The following JAKMIP2 variants were observed in gnomAD, a reference collection of about 807,000 sequenced individuals.
JAKMIP2 encodes the protein janus kinase and microtubule-interacting protein 2.
Under a neutral mutation model 115.0 loss-of-function variants are expected in JAKMIP2, and 25 were observed. The ratio of observed to expected loss-of-function variants is 0.22; its 90% CI spans 0.16 to 0.30. The LOEUF (loss-of-function observed/expected upper bound fraction) is 0.30. JAKMIP2 is among the 10% of genes least tolerant of loss of function. The probability of loss-of-function intolerance (pLI) is 1.00; values close to 1 mark genes in which losing one functional copy is unlikely to be tolerated. For missense variants in JAKMIP2, 642 were observed against 957.6 expected, an observed-to-expected ratio of 0.67 and a Z score of 4.35; for synonymous variants, 334 against 343.6, an observed-to-expected ratio of 0.97 and a Z score of 0.31.
At position 147,661,032 on chromosome 5, in the gene JAKMIP2, A is replaced by T. The variant is rs1450541237; in HGVS notation, c.543T>A (p.Ala181=). The change falls in exon 3 of 22, where the codon GCT becomes GCA. Residue 181 remains alanine (A), a synonymous_variant. Coordinates refer to ENST00000616793, the MANE Select transcript of JAKMIP2 (RefSeq NM_001270941.2). ...SNMIQADKIK[A]GDLRSEHQSH... The stretch of plus-strand genomic sequence containing the variant: ...ACTGATGCTCACTCCGAAGGTCCCC[A>T]GCCTTGATTTTATCTGCTTGGATCA... 1 of 1,613,976 alleles carries T rather than the reference A, an allele frequency of 6.2e-7. No individual in the cohort carries two copies. Among genetic ancestry groups the T allele is most frequent in the South Asian group, 1.1e-5 (1 of 91,048 alleles).
chr5:147,745,056 C>CAAAAAAAAAAAAAAAAAAAAAAAAAA (rs60275664), intron 1 of JAKMIP2, among the ~76,000 whole-genome samples: 1 of 88,410 alleles, frequency 1.1e-5, no homozygotes. Flanking sequence ...GACTCTGTCT[C>CAAAAAAAAAAAAAAAAAAAAAAAAAA]AAAAAAAAAA....
chr5:147,781,321 A>G (rs1755749559), intron 1 of JAKMIP2, among the ~76,000 whole-genome samples: 1 of 152,226 alleles, frequency 6.6e-6, no homozygotes, highest in Admixed American at 6.5e-5. Context: ...ATACTGAAGG[A>G]ATGAACATCA....
chr5:147,776,669 T>C (rs1014844264), intron 1 of JAKMIP2, among the ~76,000 whole-genome samples: 3 of 152,240 alleles, frequency 2.0e-5, no homozygotes, highest in Admixed American at 6.5e-5. Context: ...GGCTCATGCC[T>C]GTAATCCCAG....
In JAKMIP2 at chr5:147,709,312, A is replaced by G. The variant is rs891393335; in HGVS notation, c.-148-37358T>C. ...CATACTTGCATGTATTTGTGTGTGT[A>G]AATCCAGACACACTTAGAAATATTT... On this transcript the variant is annotated intron_variant, in intron 1 of 21. Transcript: ENST00000616793. Among the ~76,000 whole-genome samples, 6 of 152,330 alleles carry G rather than the reference A, an allele frequency of 3.9e-5. 1 individual carries two copies. Among genetic ancestry groups the G allele is most frequent in the Admixed American group, 3.9e-4 (6 of 15,302 alleles).
chr5:147,700,438 T>A (rs184488664), intron 1 of JAKMIP2, among the ~76,000 whole-genome samples: 34 of 152,184 alleles, frequency 2.2e-4, no homozygotes, highest in African/African-American at 7.7e-4. Flanking sequence ...GACAGATATT[T>A]AAAATATATA....
rs560613358 is a variant in JAKMIP2, at chr5:147,588,858, T to C, written c.*2849A>G. On this transcript the variant is annotated 3_prime_UTR_variant, in exon 22 of 22. Transcript: ENST00000616793. The stretch of plus-strand genomic sequence containing the variant: ...TCAATCATTTAGAAATAGTTACTCA[T>C]GGAAATAAATTTTGACTTACAAATT... 1 of 151,960 alleles carries C rather than the reference T, an allele frequency of 6.6e-6. No individual in the cohort carries two copies. The allele number at this position is 151,960 out of a possible 1,614,324, so 9.4% of individuals were successfully genotyped here. A position where few individuals can be genotyped will look rare whatever the true frequency, so the allele number is the denominator to read the frequency against.
intron 10 of JAKMIP2, among the ~76,000 whole-genome samples, chr5:147,637,525 C>T (rs1250336956): frequency 6.8e-6 from 1 of 147,412 alleles, no homozygotes; most frequent in African/African-American, 2.5e-5. Context: ...CTGCAACCTC[C>T]GCCTCCTGGG....
intron 1 of JAKMIP2, among the ~76,000 whole-genome samples, chr5:147,721,262 C>T (rs886097374): frequency 2.4e-4 from 36 of 151,432 alleles, no homozygotes; most frequent in African/African-American, 6.1e-4. Context: ...AGCTGTCAGA[C>T]AGGGACATTT....
intron 1 of JAKMIP2, among the ~76,000 whole-genome samples, chr5:147,777,638 T>C (rs1755610238): frequency 6.6e-6 from 1 of 152,194 alleles, no homozygotes; most frequent in Admixed American, 6.5e-5. Context: ...TAAAAAAAAC[T>C]TTAAGCAACA....
chr5:147,723,856 A>C (rs1753413848), intron 1 of JAKMIP2, among the ~76,000 whole-genome samples: 1 of 152,190 alleles, frequency 6.6e-6, no homozygotes, highest in South Asian at 2.1e-4. Context: ...TTTACAAAAT[A>C]TAATGAATGT....
chr5:147,663,863 G>C (rs1324793026), intron 2 of JAKMIP2, among the ~76,000 whole-genome samples: 2 of 152,034 alleles, frequency 1.3e-5, no homozygotes, highest in African/African-American at 4.8e-5. Context: ...CTTCCTGGAG[G>C]CCTCTTCTTT....
chr5:147,658,129 G>C (rs1758771538), intron 3 of JAKMIP2, among the ~76,000 whole-genome samples: 1 of 152,140 alleles, frequency 6.6e-6, no homozygotes, highest in Non-Finnish European at 1.5e-5. Context: ...CATCTTTGTG[G>C]ATTTCTCTAC....
chr5:147,630,632 A>G (rs910405847), intron 14 of JAKMIP2, among the ~76,000 whole-genome samples: 12 of 152,166 alleles, frequency 7.9e-5, no homozygotes, highest in South Asian at 4.1e-4. Flanking sequence ...AGGAAAGGGA[A>G]AGTCTAGCTC....
At position 147,638,281 on chromosome 5, in the gene JAKMIP2, C is replaced by T. The variant is rs529780286; in HGVS notation, c.1531-1233G>A. ...TCCTGACTTTAATGGTCAGAGAGAA[C>T]GCTAAACCTTTATTTAGGTAGAAGA... On this transcript the variant is annotated intron_variant, in intron 10 of 21. Transcript: ENST00000616793. Among the ~76,000 whole-genome samples, 508 of 151,996 alleles carry T rather than the reference C, an allele frequency of 3.3e-3. 2 individuals carry two copies. The highest frequency in any genetic ancestry group is 0.011 in the African/African-American group (466 of 41,446).
At chr5:147,704,372 G>A (rs1750268451) in intron 1 of JAKMIP2, among the ~76,000 whole-genome samples, 1 of 152,108 alleles carries the variant, frequency 6.6e-6, no homozygotes, top group Admixed American at 6.6e-5. Flanking sequence ...TAAGCAAAAC[G>A]AACTTTTCAG....
chr5:147,612,180 T>C (rs756027969), intron 20 of JAKMIP2, 126 bp downstream of exon 20: 1 of 775,882 alleles, frequency 1.3e-6, no homozygotes, highest in South Asian at 1.3e-5. Context: ...CTAGGTTTAC[T>C]GTAACTATAC....
At chr5:147,727,367 C>T (rs1753558969) in intron 1 of JAKMIP2, among the ~76,000 whole-genome samples, 1 of 152,164 alleles carries the variant, frequency 6.6e-6, no homozygotes. Context: ...AAAGAACTTC[C>T]CTGAGACTGG....
At chr5:147,641,415 A>G (rs773807351) in intron 8 of JAKMIP2, among the ~76,000 whole-genome samples, 26 of 152,326 alleles carry the variant, frequency 1.7e-4, no homozygotes, top group Non-Finnish European at 3.1e-4. Flanking sequence ...TTTCTTGAAT[A>G]TGACTCTCCA....
intron 20 of JAKMIP2, among the ~76,000 whole-genome samples, chr5:147,609,343 T>C (rs1756190650): frequency 6.6e-6 from 1 of 152,210 alleles, no homozygotes; most frequent in Non-Finnish European, 1.5e-5. Flanking sequence ...TAGTGCTTCC[T>C]TCAGGAACTC....
Sources: allele counts gnomAD v4.1 joint callset (sites outside exome capture counted in the v4.1 genomes callset), GRCh38; gene constraint gnomAD v4.1.1; transcripts MANE v1.5; gene names NCBI Gene and HGNC (gene_info 2026-07-23, HGNC 2026-07-21).